Variants in GALNT2 observed in about 807,000 individuals in gnomAD.
GALNT2 encodes UDP-GalNAc:polypeptide N-acetylgalactosaminyltransferase 2.
A neutral mutation model predicts 81.4 loss-of-function variants in GALNT2; 31 were observed. The observed-to-expected ratio is 0.38, with a 90% CI of 0.29 to 0.51. The LOEUF is 0.51. GALNT2 is among the 20% of genes least tolerant of loss of function. GALNT2 has a pLI of 0.87. For missense variants in GALNT2, 629 were observed against 765.7 expected, an observed-to-expected ratio of 0.82 and a Z score of 2.11; for synonymous variants, 303 against 287.4, an observed-to-expected ratio of 1.05 and a Z score of -0.55.
At chr1:230,204,916 G>T (rs1664014187) in intron 3 of GALNT2, among the ~76,000 whole-genome samples, 1 of 152,188 alleles carries the variant, frequency 6.6e-6, no homozygotes, top group African/African-American at 2.4e-5. Flanking sequence ...AGGTCGTGTA[G>T]CTCCATGGGT....
At chr1:230,187,274 T>C (rs1464663533) in intron 2 of GALNT2, among the ~76,000 whole-genome samples, 1 of 152,246 alleles carries the variant, frequency 6.6e-6, no homozygotes, top group African/African-American at 2.4e-5. Context: ...CACACACATA[T>C]GTATTAAAAT....
chr1:230,218,465 T>G lies in GALNT2; in HGVS notation c.374+15175T>G, dbSNP rs189554734. On this transcript the variant is annotated intron_variant, in intron 3 of 15. Transcript: ENST00000366672. ...AAGGGTGATGATAATACTCATCTTA[T>G]GGGCTGCCGTGTGAGGACTAAATGG... is the stretch of plus-strand genomic sequence containing the variant. Among the ~76,000 whole-genome samples the G allele has an allele frequency of 3.6e-4, 55 of 152,342 alleles. 2 individuals are homozygous for G. The highest frequency in any genetic ancestry group is 5.9e-5 in the Non-Finnish European group (4 of 68,036).
chr1:230,200,359 G>A (rs917456164), intron 2 of GALNT2, among the ~76,000 whole-genome samples: 6 of 152,102 alleles, frequency 3.9e-5, no homozygotes, highest in Admixed American at 1.3e-4. Flanking sequence ...CAGTGCGCCC[G>A]GCCTAGTACA....
Position 230,203,187 on chromosome 1 carries a change from A to T in GALNT2, c.271A>T (p.Met91Leu). Reference protein sequence around the residue: ...FNQEAYVGGTMVRSGQDPYAR... With the variant: ...FNQEAYVGGTLVRSGQDPYAR... ...CCAGGAAGCTTATGTTGGAGGGACG[A>T]TGGTCCGCTCCGGGCAGGACCCTTA... Residue 91 changes from methionine (M) to leucine (L), a missense_variant, in exon 3 of 16, where the codon ATG becomes TTG. By Grantham distance (15) the Met-to-Leu change is conservative. Coordinates refer to ENST00000366672, the MANE Select transcript of GALNT2 (RefSeq NM_004481.5). The T allele has an allele frequency of 6.2e-7, 1 of 1,614,186 alleles. No individual in the cohort carries two copies. The highest frequency in any genetic ancestry group is 8.5e-7 in the Non-Finnish European group (1 of 1,180,020).
intron 1 of GALNT2, among the ~76,000 whole-genome samples, chr1:230,075,891 C>T (rs576500535): frequency 6.6e-6 from 1 of 152,298 alleles, no homozygotes; most frequent in Admixed American, 6.5e-5. Context: ...GTGGTTCCCT[C>T]TGCTTCAGAG....
At chr1:230,150,541 G>C (rs1662061158) in intron 1 of GALNT2, among the ~76,000 whole-genome samples, 1 of 152,262 alleles carries the variant, frequency 6.6e-6, no homozygotes, top group Admixed American at 6.5e-5. Context: ...TAGAGTTGGA[G>C]TTGGAAATTG....
chr1:230,130,196 A>G (rs1438701814), intron 1 of GALNT2, among the ~76,000 whole-genome samples: 1 of 152,176 alleles, frequency 6.6e-6, no homozygotes, highest in South Asian at 2.1e-4. Flanking sequence ...GCCTTCTACT[A>G]CCATCCATAT....
intron 10 of GALNT2, 141 bp from the exon 11 acceptor site, chr1:230,255,077 T>A (rs767770913): frequency 1.0e-5 from 12 of 1,185,346 alleles, no homozygotes; most frequent in Non-Finnish European, 1.5e-5. Context: ...AAGGTCCTTA[T>A]CAGATCTCCT....
intron 1 of GALNT2, among the ~76,000 whole-genome samples, chr1:230,128,651 T>G (rs1001699011): frequency 1.3e-5 from 2 of 152,040 alleles, no homozygotes; most frequent in Admixed American, 6.6e-5. Context: ...GGAGGTAGGC[T>G]TTCCTTTTTT....
Position 230,253,853 on chromosome 1 carries a change from C to T in GALNT2, c.1010-1365C>T, listed in dbSNP as rs1293390443. Among the ~76,000 whole-genome samples the T allele has an allele frequency of 5.9e-5, 9 of 152,132 alleles. No homozygotes were observed. The East Asian group carries it at 7.7e-4, about 13-fold the overall frequency. On this transcript the variant is annotated intron_variant, in intron 10 of 15. Transcript: ENST00000366672. ...TTCCTTCCCAGCCTTTACTATCCTC[C>T]GTTATACTTTTTACTTCTATGAGAT...
intron 2 of GALNT2, among the ~76,000 whole-genome samples, chr1:230,191,791 G>A (rs2102697332): frequency 6.6e-6 from 1 of 152,266 alleles, no homozygotes; most frequent in East Asian, 1.9e-4. Context: ...GGGATCATAG[G>A]CGTGAGCCAC....
intron 3 of GALNT2, among the ~76,000 whole-genome samples, chr1:230,217,078 C>G (rs1475642695): frequency 2.0e-5 from 3 of 150,582 alleles, no homozygotes; most frequent in African/African-American, 4.9e-5. Flanking sequence ...CAGCTGTGAA[C>G]AAAACATTAA....
chr1:230,231,327 A>T (rs989170246), intron 3 of GALNT2, among the ~76,000 whole-genome samples: 19 of 152,208 alleles, frequency 1.2e-4, no homozygotes, highest in Admixed American at 7.9e-4. Context: ...ATGAGGAGTG[A>T]TGTTAGTTGT....
rs962277968 is a variant in GALNT2, at chr1:230,279,230, C to T, written c.1561-73C>T. ...GAGTTTTTAATGCAGCCACAAGGTC[C>T]TGAATTCACACGAATCTGTTTGTAC... On this transcript the variant is annotated intron_variant, in intron 15 of 15. Transcript: ENST00000366672. This position sits in a 1 kb window ranked among gnomAD's most constrained non-coding sequence, Gnocchi z 4.6. 8.7e-6 allele frequency: 13 copies of T among 1,499,884 alleles called. No homozygotes were observed. The African/African-American group carries it at 1.8e-4, about 21-fold the overall frequency. 92.9% of individuals were successfully genotyped at this position (1,499,884 alleles called of 1,614,324 possible).
chr1:230,084,212 G>A (rs1359441293), intron 1 of GALNT2, among the ~76,000 whole-genome samples: 4 of 152,214 alleles, frequency 2.6e-5, no homozygotes, highest in African/African-American at 4.8e-5. Context: ...CATGGGCCCA[G>A]GGATGTATAT....
chr1:230,058,582 T>C (rs1326401871), intron 1 of GALNT2, among the ~76,000 whole-genome samples: 1 of 152,196 alleles, frequency 6.6e-6, no homozygotes, highest in Non-Finnish European at 1.5e-5. Flanking sequence ...ACTGAAATAG[T>C]GAGAGCATTT....
At chr1:230,277,420 G>T (rs1277250274) in intron 15 of GALNT2, among the ~76,000 whole-genome samples, 1 of 152,164 alleles carries the variant, frequency 6.6e-6, no homozygotes, top group Non-Finnish European at 1.5e-5. Flanking sequence ...ATCAGATTCC[G>T]TTCATTCCGA....
chr1:230,102,348 A>G (rs1660426818), intron 1 of GALNT2, among the ~76,000 whole-genome samples: 2 of 152,196 alleles, frequency 1.3e-5, no homozygotes, highest in South Asian at 4.1e-4. Context: ...GGAATAGAGC[A>G]ACATAAGGGG....
chr1:230,089,087 C>G (rs185967015), intron 1 of GALNT2, among the ~76,000 whole-genome samples: 5 of 151,962 alleles, frequency 3.3e-5, no homozygotes, highest in Non-Finnish European at 5.9e-5. Flanking sequence ...CTTTCCCCCC[C>G]GACAGTTTTT....
Sources: allele counts gnomAD v4.1 joint callset (sites outside exome capture counted in the v4.1 genomes callset), GRCh38; gene constraint gnomAD v4.1.1; non-coding constraint Gnocchi (gnomAD v3.1); transcripts MANE v1.5; gene names NCBI Gene and HGNC (gene_info 2026-07-23, HGNC 2026-07-21).